DEUP1: variants seen among roughly 807,000 people sequenced by gnomAD.
DEUP1 encodes deuterosome assembly protein 1.
DEUP1 carries 82 observed loss-of-function variants against 87.4 expected under a neutral mutation model. That is an observed-to-expected ratio of 0.94 (90% CI 0.78 to 1.13). The LOEUF (loss-of-function observed/expected upper bound fraction) is 1.13, where lower values mean the gene tolerates loss of function less well. DEUP1 is among the 50% of genes most tolerant of loss of function. DEUP1 has a pLI of 0.00. For synonymous variants in DEUP1, 214 were observed against 222.7 expected (o/e 0.96, Z 0.35); for missense variants, 663 against 681.5 (o/e 0.97, Z 0.30).
At chr11:93,363,868 G>A (rs1945291602) in intron 4 of DEUP1, among the ~76,000 whole-genome samples, 1 of 151,884 alleles carries the variant, frequency 6.6e-6, no homozygotes, top group South Asian at 2.1e-4. Context: ...AAAAAATTGT[G>A]AGCTTTGCTG....
At position 93,364,210 on chromosome 11, in the gene DEUP1, A is replaced by G; in HGVS notation, c.348A>G (p.Lys116=). 1 of 1,607,114 alleles carries G rather than the reference A, an allele frequency of 6.2e-7. No homozygotes were observed. Among genetic ancestry groups the G allele is most frequent in the Non-Finnish European group, 8.5e-7 (1 of 1,174,462 alleles). Residue 116 remains lysine, a synonymous_variant, in exon 5 of 14, where the codon AAA becomes AAG. Coordinates refer to ENST00000298050, the MANE Select transcript of DEUP1 (RefSeq NM_181645.4). ...NFEKLRLHQM[K]QNKVPRKELP... ...AAAAACTGAGATTACATCAGATGAA[A>G]CAAAACAAAGTTCCACGAAAAGAAT...
intron 11 of DEUP1, among the ~76,000 whole-genome samples, chr11:93,398,598 T>C (rs2134380353): frequency 6.6e-6 from 1 of 152,276 alleles, no homozygotes; most frequent in East Asian, 1.9e-4. Context: ...AGCTCTTTAA[T>C]TTGCATTTCC....
At chr11:93,368,589 G>A (rs1162917346) in intron 5 of DEUP1, among the ~76,000 whole-genome samples, 1 of 152,144 alleles carries the variant, frequency 6.6e-6, no homozygotes, top group Non-Finnish European at 1.5e-5. Context: ...CAAACAACCA[G>A]ATCTCATGAG....
At chr11:93,360,288 G>A (rs1204964984) in intron 4 of DEUP1, among the ~76,000 whole-genome samples, 1 of 152,162 alleles carries the variant, frequency 6.6e-6, no homozygotes, top group Non-Finnish European at 1.5e-5. Context: ...CAGTAATAAA[G>A]GGGCACTCCA....
intron 7 of DEUP1, among the ~76,000 whole-genome samples, chr11:93,379,574 T>G (rs192856346): frequency 6.6e-6 from 1 of 152,154 alleles, no homozygotes. Context: ...TGCATGCAAC[T>G]TGGGAGTCAA....
chr11:93,351,451 A>G (rs974244044), intron 2 of DEUP1, among the ~76,000 whole-genome samples: 3 of 152,190 alleles, frequency 2.0e-5, no homozygotes, highest in Non-Finnish European at 2.9e-5. Flanking sequence ...AGACTGATAT[A>G]GTTATTTTTT....
chr11:93,395,153 G>A (rs181850335), intron 10 of DEUP1, among the ~76,000 whole-genome samples: 7 of 152,228 alleles, frequency 4.6e-5, no homozygotes, highest in South Asian at 2.1e-4. Flanking sequence ...CATGGTACGT[G>A]AGGAAAAACA....
chr11:93,369,333 G>C (rs1006439598), intron 5 of DEUP1, among the ~76,000 whole-genome samples: 7 of 151,852 alleles, frequency 4.6e-5, no homozygotes, highest in Non-Finnish European at 8.8e-5. Flanking sequence ...GTCCTTAATA[G>C]TCACTAAATA....
chr11:93,374,033 A>C (rs949696886), intron 7 of DEUP1, among the ~76,000 whole-genome samples: 13 of 152,152 alleles, frequency 8.5e-5, no homozygotes, highest in African/African-American at 2.7e-4. Context: ...CCTGATCATT[A>C]GTGACGTTGA....
chr11:93,398,705 G>C (rs1331226074), intron 11 of DEUP1, among the ~76,000 whole-genome samples: 3 of 149,678 alleles, frequency 2.0e-5, no homozygotes, highest in Admixed American at 2.0e-4. Flanking sequence ...TGGCTTATTT[G>C]TCTTTTTCAT....
chr11:93,347,395 A>T (rs536467299), intron 2 of DEUP1, among the ~76,000 whole-genome samples: 2 of 152,234 alleles, frequency 1.3e-5, no homozygotes, highest in Admixed American at 1.3e-4. Context: ...TAAGTTTTTG[A>T]TGCGCTGCTG....
chr11:93,418,725 A>T (rs952571608), intron 13 of DEUP1, among the ~76,000 whole-genome samples: 6 of 151,960 alleles, frequency 3.9e-5, no homozygotes, highest in African/African-American at 1.2e-4. Context: ...ATAAAGACAC[A>T]TGCACACGTA....
chr11:93,370,982 T>A, intron 6 of DEUP1, 56 bp from the exon 7 acceptor site: 1 of 1,475,338 alleles, frequency 6.8e-7, no homozygotes, highest in African/African-American at 1.4e-5. Context: ...TTGAACTTCA[T>A]GTAAGCTTAA....
intron 4 of DEUP1, among the ~76,000 whole-genome samples, chr11:93,361,777 T>G (rs973031544): frequency 6.6e-6 from 1 of 151,936 alleles, no homozygotes; most frequent in African/African-American, 2.4e-5. Flanking sequence ...CCTTGACATA[T>G]CAATAATTAC....
intron 2 of DEUP1, among the ~76,000 whole-genome samples, chr11:93,332,781 T>C (rs1943556221): frequency 6.6e-6 from 1 of 152,228 alleles, no homozygotes; most frequent in Non-Finnish European, 1.5e-5. Context: ...TTGTATAGCA[T>C]TTGTCATTGT....
At chr11:93,431,045 G>A (rs1348088630) in intron 13 of DEUP1, among the ~76,000 whole-genome samples, 2 of 141,952 alleles carry the variant, frequency 1.4e-5, no homozygotes, top group African/African-American at 2.6e-5. Flanking sequence ...GCAGTGAGCC[G>A]AGATAGGATC....
rs1943527869 is a variant in DEUP1 at position 93,332,245 on chromosome 11, T to C, written c.-15T>C. On this transcript the variant is annotated 5_prime_UTR_variant, in exon 2 of 14. An upstream open reading frame in the 5' UTR loses its in-frame stop. Coordinates refer to ENST00000298050, the MANE Select transcript of DEUP1 (RefSeq NM_181645.4). ...AAAATCAAGAAATATAAACCAGATG[T>C]AGCAGTTTCTTGACATGGAGAACCA... 4 of 1,605,214 alleles carry C rather than the reference T, an allele frequency of 2.5e-6. No homozygotes were observed. Among genetic ancestry groups the C allele is most frequent in the Non-Finnish European group, 3.4e-6 (4 of 1,174,702 alleles).
intron 4 of DEUP1, among the ~76,000 whole-genome samples, chr11:93,363,471 C>T (rs1462454784): frequency 2.0e-5 from 3 of 151,700 alleles, no homozygotes; most frequent in Non-Finnish European, 4.4e-5. Context: ...TTTGGAACTT[C>T]CTGTAAACCT....
intron 11 of DEUP1, among the ~76,000 whole-genome samples, chr11:93,397,003 A>T (rs1427506742): frequency 6.6e-6 from 1 of 152,126 alleles, no homozygotes; most frequent in African/African-American, 2.4e-5. Context: ...GAGAATTTTT[A>T]TTTATTGAAT....
Sources: allele counts gnomAD v4.1 joint callset (sites outside exome capture counted in the v4.1 genomes callset), GRCh38; gene constraint gnomAD v4.1.1; transcripts MANE v1.5; gene names NCBI Gene and HGNC (gene_info 2026-07-23, HGNC 2026-07-21).